MED13: variants seen among roughly 807,000 people sequenced by gnomAD.
The protein encoded by MED13 is mediator complex subunit 13, also known as mediator of RNA polymerase II transcription subunit 13.
In MED13, 23 loss-of-function variants were observed where a neutral mutation model predicts 225.2. That is an observed-to-expected ratio of 0.10 (90% CI 0.07 to 0.14). The LOEUF is 0.14. Among genes scored for constraint, MED13 ranks in the 10% least tolerant of loss-of-function variants. The pLI is 1.00. For synonymous variants in MED13, 942 were observed against 889.2 expected, an observed-to-expected ratio of 1.06 and a Z score of -1.06; for missense variants, 2,197 against 2,594.5, an observed-to-expected ratio of 0.85 and a Z score of 3.33.
intron 28 of MED13, among the ~76,000 whole-genome samples, chr17:61,950,104 CA>C (rs1423904145): frequency 6.6e-6 from 1 of 152,124 alleles, no homozygotes; most frequent in Non-Finnish European, 1.5e-5. Context: ...AGTCTATTAC[CA>C]ATTTATGACT....
chr17:61,946,366 C>T lies in MED13; in HGVS notation c.*102G>A, dbSNP rs2143267380. On this transcript the variant is annotated 3_prime_UTR_variant, in exon 30 of 30. Coordinates refer to ENST00000397786, the MANE Select transcript of MED13 (RefSeq NM_005121.3). ...TGTTGAAGTAATAAGAATTAGACCC[C>T]ATCACAAATGACCTTCACTGAGAAG... is the stretch of plus-strand genomic sequence containing the variant. The T allele has an allele frequency of 7.5e-7, 1 of 1,333,498 alleles. No individual in the cohort carries two copies. Among genetic ancestry groups the T allele is most frequent in the South Asian group, 1.3e-5 (1 of 74,902 alleles). The allele number at this position is 1,333,498 out of a possible 1,614,324, so 82.6% of individuals were successfully genotyped here. A position where few individuals can be genotyped will look rare whatever the true frequency, so the allele number is the denominator to read the frequency against.
chr17:61,958,579 T>C (rs1242707416), intron 23 of MED13, among the ~76,000 whole-genome samples: 1 of 151,322 alleles, frequency 6.6e-6, no homozygotes, highest in African/African-American at 2.4e-5. Context: ...CCTCGTGACC[T>C]GCCCACCTTG....
At chr17:61,951,404 T>G (rs1352202513) in intron 27 of MED13, among the ~76,000 whole-genome samples, 1 of 152,208 alleles carries the variant, frequency 6.6e-6, no homozygotes, top group Non-Finnish European at 1.5e-5. Context: ...GCACTATCTA[T>G]AAAATGCAGT....
intron 10 of MED13, among the ~76,000 whole-genome samples, chr17:61,993,200 C>CTTTT (rs964200883): frequency 2.9e-3 from 308 of 107,594 alleles, no homozygotes; most frequent in Non-Finnish European, 3.7e-3. Flanking sequence ...TTCTTTCTTT[C>CTTTT]TTTTTTTTTT....
chr17:62,001,721 C>CTATATTTTATT (rs1286962217), intron 9 of MED13, among the ~76,000 whole-genome samples: 9 of 152,150 alleles, frequency 5.9e-5, no homozygotes, highest in African/African-American at 2.2e-4. Flanking sequence ...TGTGTCTGTA[C>CTATATTTTATT]TATATTTTAT....
chr17:61,968,859 C>T lies in MED13; in HGVS notation c.3968-601G>A, dbSNP rs185576878. 7.2e-5 allele frequency among the ~76,000 whole-genome samples: 11 copies of T among 152,266 alleles called. No individual in the cohort carries two copies. The East Asian group carries it at 1.7e-3, about 24-fold the overall frequency. The stretch of plus-strand genomic sequence containing the variant: ...ATTAACCTGCTGGGCTCAAGCAATC[C>T]TCTGTCCTCAGCTTCCCGAATAGCT... On this transcript the variant is annotated intron_variant, in intron 17 of 29. Transcript: ENST00000397786.
chr17:62,057,736 G>A (rs2081006721), intron 2 of MED13, among the ~76,000 whole-genome samples: 1 of 152,090 alleles, frequency 6.6e-6, no homozygotes. Flanking sequence ...ATAAAATTCT[G>A]GTATAATAAA....
intron 15 of MED13, 100 bp downstream of exon 15, chr17:61,984,071 A>G (rs982201985): frequency 1.4e-5 from 14 of 998,726 alleles, no homozygotes; most frequent in Non-Finnish European, 1.8e-5. Flanking sequence ...TAGAATTTTC[A>G]AAAACCAATT....
Position 62,033,837 on chromosome 17 carries a change from T to C in MED13, c.764A>G (p.Glu255Gly). ...AGAATCATCTTCCCAATCCATATCT[T>C]CCTGTTTTTCTTCAGACATCTCCTT... ...CLKEMSEEKQ[E>G]DMDWEDDSLA... The change falls in exon 5 of 30, where the codon GAA (glutamate) becomes GGA (glycine). Residue 255 changes from glutamate (E) to glycine (G), a missense_variant. Glu to Gly is a moderately conservative substitution (Grantham distance 98). Coordinates refer to ENST00000397786, the MANE Select transcript of MED13 (RefSeq NM_005121.3). 5 of 1,614,090 alleles carry C rather than the reference T, an allele frequency of 3.1e-6. No individual in the cohort carries two copies. The highest frequency in any genetic ancestry group is 4.2e-6 in the Non-Finnish European group (5 of 1,180,010).
intron 3 of MED13, among the ~76,000 whole-genome samples, chr17:62,049,759 T>A (rs887117425): frequency 1.3e-5 from 2 of 151,618 alleles, no homozygotes; most frequent in African/African-American, 4.8e-5. Flanking sequence ...TGAAACCCCA[T>A]CTCTACTAAA....
chr17:61,963,048 T>TC, intron 20 of MED13, 77 bp from the exon 21 acceptor site: 1 of 1,122,340 alleles, frequency 8.9e-7, no homozygotes, highest in Non-Finnish European at 1.3e-6. Flanking sequence ...GTTCTTAATA[T>TC]CCCCCTCCTC....
intron 20 of MED13, among the ~76,000 whole-genome samples, chr17:61,963,685 G>C (rs1027602212): frequency 2.0e-5 from 3 of 152,044 alleles, no homozygotes; most frequent in African/African-American, 7.3e-5. Flanking sequence ...TGGGTGATTT[G>C]ATTTTTTTAC....
chr17:61,974,513 C>T (rs1466076291), intron 16 of MED13, among the ~76,000 whole-genome samples: 1 of 151,608 alleles, frequency 6.6e-6, no homozygotes, highest in African/African-American at 2.4e-5. Flanking sequence ...ACAAGTTTAC[C>T]TTTTACTTAA....
intron 2 of MED13, among the ~76,000 whole-genome samples, chr17:62,059,546 G>A (rs1402137668): frequency 6.6e-6 from 1 of 152,180 alleles, no homozygotes; most frequent in East Asian, 1.9e-4. Context: ...CCATTCCTCA[G>A]TGCTACACCT....
chr17:61,989,339 T>C (rs1174689562), intron 11 of MED13, among the ~76,000 whole-genome samples: 6 of 151,048 alleles, frequency 4.0e-5, no homozygotes, highest in African/African-American at 1.5e-4. Flanking sequence ...ATATTTAACA[T>C]TTGATTGATT....
At chr17:62,025,042 A>G (rs573519296) in intron 8 of MED13, among the ~76,000 whole-genome samples, 1 of 152,354 alleles carries the variant, frequency 6.6e-6, no homozygotes, top group South Asian at 2.1e-4. Flanking sequence ...CTCTGGGTAT[A>G]TATATCCAGT....
At chr17:62,003,588 A>G (rs187842324) in intron 9 of MED13, 84 of 145,530 alleles carry the variant, frequency 5.8e-4, no homozygotes, top group Non-Finnish European at 4.6e-4. Context: ...CTGAGCAACA[A>G]CAGCAAAACT....
intron 12 of MED13, among the ~76,000 whole-genome samples, chr17:61,986,177 G>C (rs1465599371): frequency 1.3e-5 from 2 of 152,102 alleles, no homozygotes; most frequent in East Asian, 3.9e-4. Context: ...CCTAGTAAAG[G>C]GTGCCCTAAA....
At chr17:61,950,676 G>A in intron 28 of MED13, 149 bp downstream of exon 28, 1 of 680,136 alleles carries the variant, frequency 1.5e-6, no homozygotes, top group Non-Finnish European at 2.3e-6. Context: ...GAGCCACCGT[G>A]CCTTCGTGAT....
Sources: gnomAD v4.1 joint callset for allele counts (sites outside exome capture counted in the v4.1 genomes callset) on GRCh38, gnomAD v4.1.1 for gene constraint, MANE v1.5 for transcripts, NCBI Gene and HGNC (gene_info 2026-07-23, HGNC 2026-07-21) for gene names.